Variants in NEMP2 observed in about 807,000 individuals in gnomAD.
NEMP2 encodes the protein nuclear envelope integral membrane protein 2.
In NEMP2, 53 loss-of-function variants were observed where a neutral mutation model predicts 54.2. The observed-to-expected ratio is 0.98, with a 90% CI of 0.78 to 1.23. The LOEUF (loss-of-function observed/expected upper bound fraction) is 1.23. Among genes scored for constraint, NEMP2 ranks in the 50% most tolerant of loss-of-function variants. NEMP2 has a pLI of 0.00. For missense variants in NEMP2, 455 were observed against 511.3 expected, an observed-to-expected ratio of 0.89 and a Z score of 1.06; for synonymous variants, 197 against 190.3, an observed-to-expected ratio of 1.04 and a Z score of -0.29.
chr2:190,465,145 T>TC, the NEMP2 span, among the ~76,000 whole-genome samples: 1 of 152,222 alleles, frequency 6.6e-6, no homozygotes, highest in Non-Finnish European at 1.5e-5. The surrounding 1 kb of genome is among the most constrained non-coding windows in gnomAD (Gnocchi z 4.6). Flanking sequence ...ACAATTTTTT[T>TC]CTCCTACTCT....
At chr2:190,544,460 G>T in the NEMP2 span, among the ~76,000 whole-genome samples, 2 of 152,144 alleles carry the variant, frequency 1.3e-5, no homozygotes, top group African/African-American at 4.8e-5. Flanking sequence ...TAAGTTGAGA[G>T]ATGTGGAATT....
At chr2:190,642,624 A>C in the NEMP2 span, among the ~76,000 whole-genome samples, 1 of 152,152 alleles carries the variant, frequency 6.6e-6, no homozygotes, top group African/African-American at 2.4e-5. This position sits in a 1 kb window ranked among gnomAD's most constrained non-coding sequence, Gnocchi z 4.1. Flanking sequence ...AAAGCTTTGA[A>C]TTTCATATCG....
chr2:190,597,471 GA>G, the NEMP2 span, among the ~76,000 whole-genome samples: 1 of 151,716 alleles, frequency 6.6e-6, no homozygotes, highest in Admixed American at 6.6e-5. The surrounding 1 kb of genome is among the most constrained non-coding windows in gnomAD (Gnocchi z 4.7). Flanking sequence ...AACTTTCTTG[GA>G]AAAAAAATGT....
the NEMP2 span, among the ~76,000 whole-genome samples, chr2:190,648,737 G>A: frequency 6.6e-6 from 1 of 151,116 alleles, no homozygotes; most frequent in African/African-American, 2.4e-5. Flanking sequence ...CGGGACTCGC[G>A]GGAGCCGCCC....
At chr2:190,435,707 G>T in the NEMP2 span, among the ~76,000 whole-genome samples, 2 of 152,122 alleles carry the variant, frequency 1.3e-5, no homozygotes, top group African/African-American at 4.8e-5. Context: ...TTTTCCCTGG[G>T]AATCAATGAA....
chr2:190,579,759 T>C, the NEMP2 span, among the ~76,000 whole-genome samples: 6 of 152,230 alleles, frequency 3.9e-5, no homozygotes, highest in African/African-American at 1.4e-4. Flanking sequence ...GGGAAAAGTA[T>C]TCAATAAAAA....
chr2:190,534,289 T>C, intron 1 of NEMP2: 1 of 1,166,086 alleles, frequency 8.6e-7, no homozygotes, highest in Non-Finnish European at 1.1e-6. Context: ...GTTGCTTCTG[T>C]AAAACGAGGG....
chr2:190,559,060 G>GT, the NEMP2 span, among the ~76,000 whole-genome samples: 317 of 152,302 alleles, frequency 2.1e-3, 3 homozygotes, highest in African/African-American at 7.0e-3. The surrounding 1 kb of genome is among the most constrained non-coding windows in gnomAD (Gnocchi z 4.0). Flanking sequence ...AAGAAGGATG[G>GT]TAGAAGGGAA....
At chr2:190,637,848 C>A in the NEMP2 span, among the ~76,000 whole-genome samples, 6 of 152,182 alleles carry the variant, frequency 3.9e-5, no homozygotes, top group Admixed American at 3.9e-4. The surrounding 1 kb of genome is among the most constrained non-coding windows in gnomAD (Gnocchi z 4.5). Context: ...TAGTGTGTAT[C>A]CCTCAGTCAG....
chr2:190,573,515 C>T, the NEMP2 span, among the ~76,000 whole-genome samples: 1 of 152,132 alleles, frequency 6.6e-6, no homozygotes, highest in East Asian at 1.9e-4. Context: ...CCACTTCTTC[C>T]TTTTAATAGA....
chr2:190,502,998 G>T (rs561044919), downstream of NEMP2, among the ~76,000 whole-genome samples: 1 of 152,272 alleles, frequency 6.6e-6, no homozygotes, highest in South Asian at 2.1e-4. This position sits in a 1 kb window ranked among gnomAD's most constrained non-coding sequence, Gnocchi z 4.4. Flanking sequence ...CAGGAGGCAG[G>T]GAGGCCATTC....
chr2:190,462,867 A>AT, the NEMP2 span, among the ~76,000 whole-genome samples: 1 of 152,294 alleles, frequency 6.6e-6, no homozygotes, highest in African/African-American at 2.4e-5. This position sits in a 1 kb window ranked among gnomAD's most constrained non-coding sequence, Gnocchi z 5.7. Flanking sequence ...CAGGTCACTG[A>AT]TTCTGTGGCC....
At chr2:190,640,726 AGTAATTTGTTGTG>A in the NEMP2 span, among the ~76,000 whole-genome samples, 15 of 149,912 alleles carry the variant, frequency 1.0e-4, 1 homozygote, top group African/African-American at 3.2e-4. Context: ...GGCAGTGTTG[AGTAATTTGTTGTG>A]GTAATTTGTT....
the NEMP2 span, among the ~76,000 whole-genome samples, chr2:190,646,046 T>C: frequency 6.6e-6 from 1 of 152,248 alleles, no homozygotes; most frequent in Non-Finnish European, 1.5e-5. Context: ...CTGTACTGAA[T>C]AAATGAATAA....
the NEMP2 span, among the ~76,000 whole-genome samples, chr2:190,472,531 T>C: frequency 1.3e-5 from 2 of 151,992 alleles, no homozygotes; most frequent in African/African-American, 4.8e-5. Context: ...AAAAGAAGTT[T>C]AGAGAAAAAA....
chr2:190,466,173 T>G, the NEMP2 span, among the ~76,000 whole-genome samples: 4 of 152,182 alleles, frequency 2.6e-5, no homozygotes, highest in Non-Finnish European at 2.9e-5. Context: ...CCATATGACA[T>G]CATTTTACCT....
chr2:190,480,820 A>G, the NEMP2 span, among the ~76,000 whole-genome samples: 1 of 152,370 alleles, frequency 6.6e-6, no homozygotes, highest in East Asian at 1.9e-4. Context: ...ACAGTACCTG[A>G]CCCACAGTTA....
the NEMP2 span, among the ~76,000 whole-genome samples, chr2:190,572,656 A>T: frequency 6.6e-6 from 1 of 151,670 alleles, no homozygotes; most frequent in African/African-American, 2.4e-5. Flanking sequence ...ACTTAACATT[A>T]TATCAAGAGC....
At chr2:190,497,937 A>G in the NEMP2 span, 1 of 443,176 alleles carries the variant, frequency 2.3e-6, no homozygotes, top group South Asian at 5.2e-5. This position sits in a 1 kb window ranked among gnomAD's most constrained non-coding sequence, Gnocchi z 5.2. Context: ...AGTTCAGGAA[A>G]ACTTCAGAGG....
Sources: gnomAD v4.1 joint callset for allele counts (sites outside exome capture counted in the v4.1 genomes callset) on GRCh38, gnomAD v4.1.1 for gene constraint, Gnocchi (gnomAD v3.1) non-coding constraint, MANE v1.5 for transcripts, NCBI Gene and HGNC (gene_info 2026-07-23, HGNC 2026-07-21) for gene names.